CNTN5: variants seen among roughly 807,000 people sequenced by gnomAD.
The protein encoded by CNTN5 is contactin-5.
Under a neutral mutation model 129.1 loss-of-function variants are expected in CNTN5, and 77 were observed. That is an observed-to-expected ratio of 0.60 (90% CI 0.50 to 0.72). The LOEUF is 0.72. Among genes scored for constraint, CNTN5 ranks in the 30% least tolerant of loss-of-function variants. CNTN5 has a pLI of 0.00. For missense variants in CNTN5, 1,478 were observed against 1,328.8 expected, an observed-to-expected ratio of 1.11 and a Z score of -1.75; for synonymous variants, 509 against 465.6, an observed-to-expected ratio of 1.09 and a Z score of -1.20.
At chr11:100,107,661 G>A (rs1043326043) in intron 13 of CNTN5, among the ~76,000 whole-genome samples, 5 of 151,590 alleles carry the variant, frequency 3.3e-5, no homozygotes, top group African/African-American at 4.8e-5. Context: ...CATTCTCATT[G>A]GATAGTTGAT....
At chr11:99,860,343 C>G (rs1195889510) in intron 6 of CNTN5, among the ~76,000 whole-genome samples, 1 of 151,864 alleles carries the variant, frequency 6.6e-6, no homozygotes, top group Non-Finnish European at 1.5e-5. Flanking sequence ...GCTTATGTTG[C>G]ATTTGCTTTT....
chr11:99,906,699 G>A lies in CNTN5; in HGVS notation c.578-9355G>A, dbSNP rs180852211. Among the ~76,000 whole-genome samples the A allele has an allele frequency of 2.1e-3, 326 of 152,158 alleles. 1 individual carries two copies. The highest frequency in any genetic ancestry group is 3.6e-3 in the Non-Finnish European group (244 of 67,990). On this transcript the variant is annotated intron_variant, in intron 6 of 24. Coordinates refer to ENST00000524871, the MANE Select transcript of CNTN5 (RefSeq NM_014361.4). The stretch of plus-strand genomic sequence containing the variant: ...AGGAGTCCCTCTTTTCTACTTTTTG[G>A]AATAGTTTCAGAAGGAATGGTACCA...
chr11:99,891,558 C>G (rs1269558846), intron 6 of CNTN5, among the ~76,000 whole-genome samples: 1 of 152,038 alleles, frequency 6.6e-6, no homozygotes, highest in Admixed American at 6.6e-5. Flanking sequence ...TCAACTCCCA[C>G]TTATGAGTGA....
At chr11:100,236,136 G>A (rs12287058) in intron 16 of CNTN5, among the ~76,000 whole-genome samples, 20 of 152,116 alleles carry the variant, frequency 1.3e-4, no homozygotes, top group African/African-American at 3.9e-4. Context: ...GGAACATCAC[G>A]TGCACGGATG....
intron 3 of CNTN5, among the ~76,000 whole-genome samples, chr11:99,628,571 C>T (rs530885548): frequency 1.3e-5 from 2 of 151,546 alleles, no homozygotes; most frequent in African/African-American, 4.8e-5. Context: ...TGTCTATCTA[C>T]ACACACTTCC....
At chr11:99,781,055 C>T (rs1252429160) in intron 3 of CNTN5, among the ~76,000 whole-genome samples, 2 of 152,048 alleles carry the variant, frequency 1.3e-5, no homozygotes, top group African/African-American at 2.4e-5. Context: ...GTATTTACTC[C>T]TGCAAATTCC....
chr11:99,665,100 T>C (rs1046112854), intron 3 of CNTN5, among the ~76,000 whole-genome samples: 14 of 152,186 alleles, frequency 9.2e-5, no homozygotes, highest in Admixed American at 8.5e-4. Flanking sequence ...AAGGATTTCA[T>C]TTTCAGAAGT....
intron 1 of CNTN5, among the ~76,000 whole-genome samples, chr11:99,165,203 T>G (rs1216100733): frequency 1.3e-5 from 2 of 152,214 alleles, no homozygotes; most frequent in African/African-American, 4.8e-5. Context: ...CACATGTTGT[T>G]AAACCATTAA....
At chr11:99,880,724 T>C (rs1948749995) in intron 6 of CNTN5, among the ~76,000 whole-genome samples, 1 of 152,182 alleles carries the variant, frequency 6.6e-6, no homozygotes, top group Non-Finnish European at 1.5e-5. Flanking sequence ...AAATAATTTG[T>C]TTAAATCACC....
chr11:100,003,578 C>T (rs767044353), intron 9 of CNTN5, among the ~76,000 whole-genome samples: 2 of 152,038 alleles, frequency 1.3e-5, no homozygotes, highest in African/African-American at 2.4e-5. Flanking sequence ...GAAAACTAGA[C>T]TTATAGGAAA....
intron 1 of CNTN5, among the ~76,000 whole-genome samples, chr11:99,232,340 T>C (rs987665870): frequency 6.6e-6 from 1 of 152,190 alleles, no homozygotes; most frequent in Admixed American, 6.5e-5. Flanking sequence ...CAGTGGTTTG[T>C]AGTTCACCTT....
intron 13 of CNTN5, among the ~76,000 whole-genome samples, chr11:100,162,200 T>G (rs1468299152): frequency 6.6e-6 from 1 of 151,840 alleles, no homozygotes; most frequent in African/African-American, 2.4e-5. Flanking sequence ...TCATGAGCAT[T>G]AAATGAACTA....
chr11:100,278,994 T>A (rs1391586587), intron 18 of CNTN5, among the ~76,000 whole-genome samples: 1 of 151,968 alleles, frequency 6.6e-6, no homozygotes, highest in African/African-American at 2.4e-5. Context: ...CCCAGTTTGT[T>A]GAGAATTTTT....
At chr11:100,077,053 T>C (rs1380212027) in intron 13 of CNTN5, among the ~76,000 whole-genome samples, 2 of 152,144 alleles carry the variant, frequency 1.3e-5, no homozygotes, top group African/African-American at 4.8e-5. Flanking sequence ...CAATGTCAAA[T>C]GCCTATATTT....
chr11:99,835,556 A>C (rs1395766566), intron 4 of CNTN5, among the ~76,000 whole-genome samples: 1 of 152,210 alleles, frequency 6.6e-6, no homozygotes, highest in Non-Finnish European at 1.5e-5. Context: ...GTCACTTTAA[A>C]ATCCAAAACA....
At chr11:99,155,344 G>T (rs980840977) in intron 1 of CNTN5, among the ~76,000 whole-genome samples, 2 of 152,062 alleles carry the variant, frequency 1.3e-5, no homozygotes, top group Admixed American at 6.5e-5. Context: ...CTGCACTTTT[G>T]CTGCTTTACT....
chr11:99,039,246 C>T (rs7125442), intron 1 of CNTN5, among the ~76,000 whole-genome samples: 49,792 of 151,946 alleles, frequency 0.33, 9,423 homozygotes, highest in East Asian at 0.56. Context: ...CCACAAAGCA[C>T]TTCTCAGCTT....
chr11:99,183,317 C>T (rs2135570877), intron 1 of CNTN5, among the ~76,000 whole-genome samples: 1 of 152,242 alleles, frequency 6.6e-6, no homozygotes, highest in Middle Eastern at 3.4e-3. Flanking sequence ...ATTTCAAGGA[C>T]TCCAAACCAT....
At chr11:99,392,499 T>C (rs921839428) in intron 2 of CNTN5, among the ~76,000 whole-genome samples, 1 of 151,898 alleles carries the variant, frequency 6.6e-6, no homozygotes, top group Non-Finnish European at 1.5e-5. Flanking sequence ...TAACTTTTCA[T>C]CCAGCCCATC....
Sources: allele counts gnomAD v4.1 joint callset (sites outside exome capture counted in the v4.1 genomes callset), GRCh38; gene constraint gnomAD v4.1.1; transcripts MANE v1.5; gene names NCBI Gene and HGNC (gene_info 2026-07-23, HGNC 2026-07-21).